Variants in ZMYM1 observed in about 807,000 individuals in gnomAD.
ZMYM1 encodes zinc finger MYM-type protein 1.
ZMYM1 carries 39 observed loss-of-function variants against 60.0 expected under a neutral mutation model. The ratio of observed to expected loss-of-function variants is 0.65; its 90% CI spans 0.50 to 0.85. The LOEUF is 0.85. Among genes scored for constraint, ZMYM1 ranks in the 40% least tolerant of loss-of-function variants. The probability of loss-of-function intolerance (pLI) is 0.00; values close to 1 mark genes in which losing one functional copy is unlikely to be tolerated. For synonymous variants in ZMYM1, 413 were observed against 454.0 expected, an observed-to-expected ratio of 0.91 and a Z score of 1.15; for missense variants, 1,171 against 1,309.5, an observed-to-expected ratio of 0.89 and a Z score of 1.63.
intron 4 of ZMYM1, among the ~76,000 whole-genome samples, chr1:35,099,581 G>A (rs1259946430): frequency 6.6e-6 from 1 of 152,090 alleles, no homozygotes; most frequent in East Asian, 1.9e-4. Context: ...TTTTAGGCTG[G>A]AAAAGGCCAT....
At chr1:35,083,171 T>TA (rs1642479670) in intron 1 of ZMYM1, among the ~76,000 whole-genome samples, 2 of 150,472 alleles carry the variant, frequency 1.3e-5, no homozygotes, top group African/African-American at 2.5e-5. Context: ...TTTTTTTTTT[T>TA]AAGACAGGGT....
downstream of ZMYM1, among the ~76,000 whole-genome samples, chr1:35,116,232 A>T (rs1287553489): frequency 6.6e-6 from 1 of 152,126 alleles, no homozygotes; most frequent in Admixed American, 6.5e-5. Context: ...GTGAGACCTT[A>T]TCTCTTTAAA....
At position 35,114,625 on chromosome 1, in the gene ZMYM1, A is replaced by G. The variant is rs758009170; in HGVS notation, c.2795A>G (p.Lys932Arg). ...ACCTGTAAAGGTTTTAAAGTTGAAA[A>G]ACCTTCTCTTCAGAAAAGAAGAAAA... ...KITCKGFKVE[K>R]PSLQKRRKIQ... Residue 932 changes from lysine (K) to arginine (R), a missense_variant, in exon 10 of 10, where the codon AAA (lysine) becomes AGA (arginine). Lys to Arg is a conservative substitution (Grantham distance 26). Coordinates refer to ENST00000359858, the MANE Select transcript of ZMYM1 (RefSeq NM_024772.5). 6 of 1,607,502 alleles carry G rather than the reference A, an allele frequency of 3.7e-6. No individual in the cohort carries two copies. Among genetic ancestry groups the G allele is most frequent in the Non-Finnish European group, 3.4e-6 (4 of 1,178,372 alleles).
chr1:35,072,861 C>G (rs1239819042), intron 1 of ZMYM1, among the ~76,000 whole-genome samples: 1 of 152,106 alleles, frequency 6.6e-6, no homozygotes, highest in African/African-American at 2.4e-5. Context: ...ACAGGTGGAT[C>G]CCCTGAGGTC....
intron 9 of ZMYM1, among the ~76,000 whole-genome samples, chr1:35,112,447 G>T (rs1252053763): frequency 6.8e-6 from 1 of 147,402 alleles, no homozygotes; most frequent in Non-Finnish European, 1.5e-5. Context: ...CAAAGTGCTG[G>T]GATTACAGGC....
intron 1 of ZMYM1, among the ~76,000 whole-genome samples, chr1:35,067,640 C>T (rs566063548): frequency 1.3e-5 from 2 of 151,852 alleles, no homozygotes; most frequent in Middle Eastern, 3.2e-3. Flanking sequence ...TTTGGGAGGC[C>T]GAGGTGGGTG....
intron 1 of ZMYM1, among the ~76,000 whole-genome samples, chr1:35,067,845 A>T (rs749056039): frequency 1.3e-5 from 2 of 151,928 alleles, no homozygotes; most frequent in African/African-American, 2.4e-5. Flanking sequence ...ATTGCACTCC[A>T]GTCTAGGCGA....
intron 1 of ZMYM1, among the ~76,000 whole-genome samples, chr1:35,079,937 C>T (rs1349794744): frequency 6.6e-6 from 1 of 152,170 alleles, no homozygotes; most frequent in Non-Finnish European, 1.5e-5. Flanking sequence ...CATGGCAAAA[C>T]CCCGTCTCTA....
intron 1 of ZMYM1, among the ~76,000 whole-genome samples, chr1:35,061,275 A>G (rs1641869490): frequency 6.6e-6 from 1 of 152,084 alleles, no homozygotes; most frequent in Non-Finnish European, 1.5e-5. Context: ...CCTCACCATA[A>G]CTCAACTTCA....
chr1:35,105,540 T>C (rs937292940), intron 6 of ZMYM1, among the ~76,000 whole-genome samples: 1 of 152,214 alleles, frequency 6.6e-6, no homozygotes, highest in African/African-American at 2.4e-5. Context: ...TTCAAGCAAT[T>C]CTCCTGCCTC....
chr1:35,063,169 C>T lies in ZMYM1; in HGVS notation c.-301+3244C>T, dbSNP rs369555388. 5.9e-5 allele frequency among the ~76,000 whole-genome samples: 9 copies of T among 151,568 alleles called. No individual in the cohort carries two copies. The East Asian group carries it at 1.6e-3, about 26-fold the overall frequency. Reference sequence around the variant, plus strand: ...AGAGACAGGGCCTCACTTTATCACCCAGGTTGGAGTGCAGTGGTGCCATCA... The same window carrying T: ...AGAGACAGGGCCTCACTTTATCACCTAGGTTGGAGTGCAGTGGTGCCATCA... On this transcript the variant is annotated intron_variant, in intron 1 of 10. Transcript: ENST00000417119.
Position 35,114,367 on chromosome 1 carries a change from T to C in ZMYM1, c.2537T>C (p.Leu846Ser). The stretch of plus-strand genomic sequence containing the variant: ...TCAAATACAAGTTTCGCCGATGAAT[T>C]GAGTCATTTGCTGACATTGGTTTCC... ...HSSNTSFADELSHLLTLVSKF... is the reference protein window; with the variant it reads ...HSSNTSFADESSHLLTLVSKF... Residue 846 changes from leucine to serine, a missense_variant, in exon 10 of 10, where the codon TTG (leucine) becomes TCG (serine). Leu to Ser is a moderately radical substitution (Grantham distance 145). Transcript: ENST00000359858. 6.2e-7 allele frequency: 1 copy of C among 1,612,752 alleles called. No individual in the cohort carries two copies. Among genetic ancestry groups the C allele is most frequent in the Non-Finnish European group, 8.5e-7 (1 of 1,179,350 alleles).
chr1:35,101,222 C>T (rs912189216), intron 4 of ZMYM1, among the ~76,000 whole-genome samples: 44 of 150,412 alleles, frequency 2.9e-4, no homozygotes, highest in Non-Finnish European at 5.5e-4. Flanking sequence ...GATTCTTCTG[C>T]CTCAGCCTCC....
chr1:35,113,896 C>T lies in ZMYM1; in HGVS notation c.2066C>T (p.Thr689Ile). The T allele has an allele frequency of 6.2e-7, 1 of 1,613,842 alleles. No homozygotes were observed. Among genetic ancestry groups the T allele is most frequent in the Non-Finnish European group, 8.5e-7 (1 of 1,179,888 alleles). The change falls in exon 10 of 10, where the codon ACT becomes ATT. Residue 689 changes from threonine to isoleucine, a missense_variant. By Grantham distance (89) the Thr-to-Ile change is moderately conservative. Coordinates refer to ENST00000359858, the MANE Select transcript of ZMYM1 (RefSeq NM_024772.5). ...GGTTTTGTTGATACTGAGGAGATGA[C>T]TGGGACCCACTTACATAGGACTATC... ...FLGFVDTEEMTGTHLHRTIKT... is the reference protein window; with the variant it reads ...FLGFVDTEEMIGTHLHRTIKT...
chr1:35,106,408 A>G (rs894414380), intron 6 of ZMYM1, among the ~76,000 whole-genome samples: 1 of 152,076 alleles, frequency 6.6e-6, no homozygotes, highest in African/African-American at 2.4e-5. Flanking sequence ...CAGGAGTTGG[A>G]GACCAGCCTG....
intron 4 of ZMYM1, among the ~76,000 whole-genome samples, chr1:35,100,346 G>T (rs1294976208): frequency 6.6e-6 from 1 of 152,042 alleles, no homozygotes; most frequent in African/African-American, 2.4e-5. Context: ...TGTGGGCCAA[G>T]CGAGGTGGTT....
intron 6 of ZMYM1, among the ~76,000 whole-genome samples, chr1:35,109,514 T>A (rs1644013643): frequency 2.0e-5 from 3 of 152,166 alleles, no homozygotes; most frequent in Non-Finnish European, 4.4e-5. Flanking sequence ...TCTTACAATA[T>A]GCTTGTAATT....
At chr1:35,074,000 C>T (rs537846234) in intron 1 of ZMYM1, among the ~76,000 whole-genome samples, 1 of 152,144 alleles carries the variant, frequency 6.6e-6, no homozygotes, top group Non-Finnish European at 1.5e-5. Flanking sequence ...ATTGGCCAGC[C>T]TGGTCTCAAA....
intron 1 of ZMYM1, among the ~76,000 whole-genome samples, chr1:35,073,631 A>T (rs1409472788): frequency 6.6e-6 from 1 of 151,772 alleles, no homozygotes; most frequent in Non-Finnish European, 1.5e-5. Context: ...GAAAGGAAAT[A>T]AAAAAAGAAA....
Sources: allele counts gnomAD v4.1 joint callset (sites outside exome capture counted in the v4.1 genomes callset), GRCh38; gene constraint gnomAD v4.1.1; transcripts MANE v1.5; gene names NCBI Gene and HGNC (gene_info 2026-07-23, HGNC 2026-07-21).